ENTREP2: variants seen among roughly 807,000 people sequenced by gnomAD.
The protein encoded by ENTREP2 is endosomal transmembrane epsin interactor 2.
chr15:29,210,882 G>C, the ENTREP2 span, among the ~76,000 whole-genome samples: 1 of 152,188 alleles, frequency 6.6e-6, no homozygotes, highest in Non-Finnish European at 1.5e-5. Context: ...GCAACTTAAA[G>C]ATGATACAGC....
chr15:29,123,767 T>C, the ENTREP2 span: 1 of 1,115,830 alleles, frequency 9.0e-7, no homozygotes, highest in Non-Finnish European at 1.2e-6. Context: ...TCTGTGTTCC[T>C]GGGGCTGGCG....
the ENTREP2 span, chr15:29,122,977 C>CT: frequency 3.2e-5 from 6 of 184,666 alleles, no homozygotes; most frequent in Admixed American, 3.5e-4. Flanking sequence ...TTTGGAGATA[C>CT]TTTGAGTCTT....
the ENTREP2 span, chr15:29,613,241 G>A: frequency 6.0e-6 from 1 of 167,990 alleles, no homozygotes; most frequent in Non-Finnish European, 1.3e-5. Flanking sequence ...AAAACCCAGT[G>A]TCATAGCGTT....
chr15:29,140,080 T>C, the ENTREP2 span, among the ~76,000 whole-genome samples: 1 of 152,276 alleles, frequency 6.6e-6, no homozygotes, highest in Non-Finnish European at 1.5e-5. Context: ...GTTCCCCGGC[T>C]TTGCGGGCTG....
the ENTREP2 span, among the ~76,000 whole-genome samples, chr15:29,321,385 C>T: frequency 6.6e-6 from 1 of 152,118 alleles, no homozygotes; most frequent in East Asian, 1.9e-4. Context: ...CGCGGTGGCT[C>T]ATGCCTGTAA....
the ENTREP2 span, among the ~76,000 whole-genome samples, chr15:29,351,494 T>C: frequency 6.6e-6 from 1 of 151,940 alleles, no homozygotes; most frequent in East Asian, 1.9e-4. Flanking sequence ...ATGTGCAAGA[T>C]AAATGTTTAT....
the ENTREP2 span, among the ~76,000 whole-genome samples, chr15:29,384,389 C>T: frequency 3.3e-5 from 5 of 152,126 alleles, no homozygotes; most frequent in Admixed American, 6.5e-5. Context: ...CATCTCTCTG[C>T]CCTCTGCCGG....
the ENTREP2 span, among the ~76,000 whole-genome samples, chr15:29,240,871 C>G: frequency 1.3e-5 from 2 of 152,154 alleles, no homozygotes; most frequent in African/African-American, 4.8e-5. Context: ...CTGCACACAG[C>G]AAGGGCTCAG....
chr15:29,441,384 T>C, the ENTREP2 span, among the ~76,000 whole-genome samples: 1 of 152,124 alleles, frequency 6.6e-6, no homozygotes, highest in African/African-American at 2.4e-5. Flanking sequence ...AAGCGTTCTG[T>C]GGATGGATGG....
the ENTREP2 span, among the ~76,000 whole-genome samples, chr15:29,364,509 G>A: frequency 2.0e-5 from 3 of 152,220 alleles, no homozygotes; most frequent in African/African-American, 7.2e-5. Flanking sequence ...TTTCTCTGCT[G>A]TGACGTCCTT....
At chr15:29,511,347 T>C in the ENTREP2 span, among the ~76,000 whole-genome samples, 12 of 93,208 alleles carry the variant, frequency 1.3e-4, no homozygotes, top group South Asian at 3.5e-4. Flanking sequence ...TTCTTTTCTT[T>C]TTTTTTTTTT....
the ENTREP2 span, among the ~76,000 whole-genome samples, chr15:29,306,851 T>C: frequency 6.6e-6 from 1 of 151,828 alleles, no homozygotes; most frequent in Non-Finnish European, 1.5e-5. Context: ...GTTCAAGTGG[T>C]TCTCCAACCT....
the ENTREP2 span, among the ~76,000 whole-genome samples, chr15:29,138,045 T>G: frequency 6.6e-6 from 1 of 152,112 alleles, no homozygotes; most frequent in East Asian, 1.9e-4. Context: ...GAAGTACTTA[T>G]TTAGCTGTTT....
At chr15:29,200,145 TAATTCTTATTTTTCAA>T in the ENTREP2 span, among the ~76,000 whole-genome samples, 1 of 152,216 alleles carries the variant, frequency 6.6e-6, no homozygotes. Context: ...TCCTCCCATT[TAATTCTTATTTTTCAA>T]AATTATTTGT....
At chr15:29,385,319 C>T in the ENTREP2 span, among the ~76,000 whole-genome samples, 1 of 152,190 alleles carries the variant, frequency 6.6e-6, no homozygotes, top group African/African-American at 2.4e-5. Flanking sequence ...TCTTGACCTT[C>T]CCCATTCCCA....
the ENTREP2 span, among the ~76,000 whole-genome samples, chr15:29,490,270 C>T: frequency 6.6e-6 from 1 of 152,178 alleles, no homozygotes; most frequent in Non-Finnish European, 1.5e-5. Flanking sequence ...TCTCTGGCCT[C>T]AGAAGCAAAG....
chr15:29,550,963 T>A, the ENTREP2 span, among the ~76,000 whole-genome samples: 1 of 152,120 alleles, frequency 6.6e-6, no homozygotes, highest in South Asian at 2.1e-4. Context: ...ATGGGTGCAA[T>A]CAGATTTCCT....
At chr15:29,428,626 A>G in the ENTREP2 span, among the ~76,000 whole-genome samples, 1 of 152,244 alleles carries the variant, frequency 6.6e-6, no homozygotes, top group Non-Finnish European at 1.5e-5. Context: ...CAGAACTTAA[A>G]AGGCCAGTCC....
the ENTREP2 span, among the ~76,000 whole-genome samples, chr15:29,513,993 A>T: frequency 3.9e-5 from 6 of 152,222 alleles, no homozygotes; most frequent in Non-Finnish European, 5.9e-5. Flanking sequence ...CAAAAGAATG[A>T]TGAGTGCTCC....
Sources: gnomAD v4.1 joint callset for allele counts (sites outside exome capture counted in the v4.1 genomes callset) on GRCh38, gnomAD v4.1.1 for gene constraint, MANE v1.5 for transcripts, NCBI Gene and HGNC (gene_info 2026-07-23, HGNC 2026-07-21) for gene names.